The following CFDP1 variants were observed in gnomAD, a reference collection of about 807,000 sequenced individuals.
CFDP1 encodes the protein chromatin remodeling protein CFDP1, also known as heterochromatin-stabilizing protein CFDP1.
A neutral mutation model predicts 40.1 loss-of-function variants in CFDP1; 31 were observed. The ratio of observed to expected loss-of-function variants is 0.77; its 90% CI spans 0.58 to 1.04. The LOEUF (loss-of-function observed/expected upper bound fraction) is 1.04. CFDP1 is among the 50% of genes least tolerant of loss of function. The pLI is 0.00. For synonymous variants in CFDP1, 167 were observed against 120.0 expected (o/e 1.39, Z -2.56); for missense variants, 423 against 343.4 (o/e 1.23, Z -1.83).
intron 5 of CFDP1, among the ~76,000 whole-genome samples, chr16:75,379,060 G>T (rs773776425): frequency 4.7e-5 from 7 of 149,342 alleles, no homozygotes; most frequent in Non-Finnish European, 8.9e-5. Flanking sequence ...AATCATACAT[G>T]TATCAAAAAT....
intron 4 of CFDP1, among the ~76,000 whole-genome samples, chr16:75,408,499 G>C (rs1046110958): frequency 3.3e-5 from 5 of 152,074 alleles, no homozygotes; most frequent in Admixed American, 2.6e-4. Context: ...TAAACAGTGG[G>C]CCAGGTGCAG....
At chr16:75,333,122 C>CTTTTT (rs1281826055) in intron 5 of CFDP1, among the ~76,000 whole-genome samples, 2 of 87,186 alleles carry the variant, frequency 2.3e-5, no homozygotes, top group African/African-American at 4.4e-5. Flanking sequence ...TACTCATGTT[C>CTTTTT]TTTTTTTTTT....
Position 75,335,776 on chromosome 16 carries a change from T to C in CFDP1, c.651-30594A>G, listed in dbSNP as rs1323889763. On this transcript the variant is annotated intron_variant, in intron 5 of 6. Transcript: ENST00000283882. Reference sequence around the variant, plus strand: ...TTTCACCGTGTTAGCCAGGATGGTCTCGATCTCCTGACCTTGTGATCCGCC... The same window carrying C: ...TTTCACCGTGTTAGCCAGGATGGTCCCGATCTCCTGACCTTGTGATCCGCC... 3.3e-5 allele frequency among the ~76,000 whole-genome samples: 5 copies of C among 152,080 alleles called. No homozygotes were observed. In the East Asian group the frequency reaches 9.6e-4, roughly 29 times the overall value.
chr16:75,382,851 C>T (rs2078863519), intron 5 of CFDP1, among the ~76,000 whole-genome samples: 1 of 151,456 alleles, frequency 6.6e-6, no homozygotes, highest in Admixed American at 6.5e-5. Context: ...CTTTTGTTTC[C>T]ACTTCCTACA....
intron 6 of CFDP1, among the ~76,000 whole-genome samples, chr16:75,302,556 T>C (rs1280694883): frequency 6.6e-6 from 1 of 152,244 alleles, no homozygotes; most frequent in Non-Finnish European, 1.5e-5. Flanking sequence ...CAACACTCCT[T>C]ACTTTTCTAA....
intron 5 of CFDP1, chr16:75,324,590 A>G (rs1366226367): frequency 1.3e-5 from 2 of 152,018 alleles, no homozygotes; most frequent in Non-Finnish European, 2.9e-5. Context: ...AAAAATACAA[A>G]AATTAGCCGG....
intron 5 of CFDP1, among the ~76,000 whole-genome samples, chr16:75,393,773 A>AAAAT (rs1567669532): frequency 1.1e-5 from 1 of 92,532 alleles, no homozygotes; most frequent in African/African-American, 4.1e-5. Flanking sequence ...AAAAAAAAAA[A>AAAAT]GTGGGGCCGG....
intron 5 of CFDP1, among the ~76,000 whole-genome samples, chr16:75,326,109 T>G (rs2151512430): frequency 6.6e-6 from 1 of 152,338 alleles, no homozygotes. Context: ...CAGAATTTTG[T>G]GGAAAAGTGA....
At chr16:75,357,606 A>G (rs1175332332) in intron 5 of CFDP1, among the ~76,000 whole-genome samples, 2 of 152,132 alleles carry the variant, frequency 1.3e-5, no homozygotes, top group East Asian at 1.9e-4. Flanking sequence ...GCTAACTTCA[A>G]ACTTTTCTCC....
At chr16:75,367,614 G>A (rs1434329676) in intron 5 of CFDP1, among the ~76,000 whole-genome samples, 1 of 151,666 alleles carries the variant, frequency 6.6e-6, no homozygotes, top group African/African-American at 2.4e-5. Flanking sequence ...CCAACATGGT[G>A]AAACCCCATC....
At chr16:75,399,699 C>T (rs2079031625) in intron 4 of CFDP1, among the ~76,000 whole-genome samples, 1 of 151,988 alleles carries the variant, frequency 6.6e-6, no homozygotes, top group African/African-American at 2.4e-5. Context: ...CAGTAGAAAG[C>T]AGCCAGGTGC....
At chr16:75,318,453 T>C (rs950017963) in intron 5 of CFDP1, among the ~76,000 whole-genome samples, 15 of 150,220 alleles carry the variant, frequency 1.0e-4, no homozygotes, top group African/African-American at 2.9e-4. Flanking sequence ...TCGCCCAGGC[T>C]GGAGTGCAGT....
At chr16:75,328,263 C>T (rs578016596) in intron 5 of CFDP1, among the ~76,000 whole-genome samples, 5 of 149,014 alleles carry the variant, frequency 3.4e-5, no homozygotes, top group African/African-American at 1.2e-4. Flanking sequence ...GGATTATAGG[C>T]GTGAGCCAGG....
rs537472603 is a variant in CFDP1, at chr16:75,348,736, A to T, written c.651-43554T>A. Among the ~76,000 whole-genome samples the T allele has an allele frequency of 7.9e-5, 12 of 152,292 alleles. No individual in the cohort carries two copies. In the South Asian group the frequency reaches 2.1e-3, roughly 26 times the overall value. ...TATTATCTTTCAATCCATGAACATT[A>T]AATGTCTTTACTCAGAACTCATTAA... is the stretch of plus-strand genomic sequence containing the variant. On this transcript the variant is annotated intron_variant, in intron 5 of 6. Coordinates refer to ENST00000283882, the MANE Select transcript of CFDP1 (RefSeq NM_006324.3).
chr16:75,359,605 C>A (rs574083704), intron 5 of CFDP1, among the ~76,000 whole-genome samples: 161 of 152,274 alleles, frequency 1.1e-3, no homozygotes, highest in Non-Finnish European at 2.0e-3. Flanking sequence ...CCTGAGACTC[C>A]AATGCAGTCA....
rs1199163361 is a variant in CFDP1, at chr16:75,349,676, A to ATATATATAT, written c.651-44495_651-44494insATATATATA. On this transcript the variant is annotated intron_variant, in intron 5 of 6. Transcript: ENST00000283882. ...AAAAAAAAAAAAAAAAAAAAAAAAA[A>ATATATATAT]AAAAAAAAAAAAAAATATATATACA... is the stretch of plus-strand genomic sequence containing the variant. Among the ~76,000 whole-genome samples, 6 of 5,868 alleles carry ATATATATAT rather than the reference A, an allele frequency of 1.0e-3. 1 individual carries two copies. Among genetic ancestry groups the ATATATATAT allele is most frequent in the Admixed American group, 4.1e-3 (1 of 244 alleles). 3.8% of individuals were successfully genotyped at this position (5,868 alleles called of 152,430 possible).
Position 75,350,595 on chromosome 16 carries a change from G to A in CFDP1, c.650+44495C>T, listed in dbSNP as rs9932864. ...TAAGTAGAGGATAGCCTTAAATTAC[G>A]TTGAAATCCTTGCCAGAAACCACAA... On this transcript the variant is annotated intron_variant, in intron 5 of 6. Coordinates refer to ENST00000283882, the MANE Select transcript of CFDP1 (RefSeq NM_006324.3). Among the ~76,000 whole-genome samples the A allele has an allele frequency of 7.2e-3, 1,103 of 152,190 alleles. 15 individuals carry two copies. Among genetic ancestry groups the A allele is most frequent in the African/African-American group, 0.025 (1,031 of 41,536 alleles).
At chr16:75,336,600 C>T (rs1224473025) in intron 5 of CFDP1, among the ~76,000 whole-genome samples, 1 of 152,192 alleles carries the variant, frequency 6.6e-6, no homozygotes, top group Non-Finnish European at 1.5e-5. Flanking sequence ...CTAGCTTTTT[C>T]AATTATCTAC....
intron 5 of CFDP1, chr16:75,305,401 A>G: frequency 2.0e-6 from 1 of 512,332 alleles, no homozygotes; most frequent in Non-Finnish European, 3.5e-6. Flanking sequence ...TGCTCTCCTG[A>G]GCTACGAACA....
Sources: gnomAD v4.1 joint callset for allele counts (sites outside exome capture counted in the v4.1 genomes callset) on GRCh38, gnomAD v4.1.1 for gene constraint, MANE v1.5 for transcripts, NCBI Gene and HGNC (gene_info 2026-07-23, HGNC 2026-07-21) for gene names.